The following ANK3 variants were observed in gnomAD, a reference collection of about 807,000 sequenced individuals.
ANK3 encodes ankyrin 3, also known as ankyrin-3.
In ANK3, 57 loss-of-function variants were observed where a neutral mutation model predicts 370.9. That is an observed-to-expected ratio of 0.15 (90% CI 0.12 to 0.19). The LOEUF (loss-of-function observed/expected upper bound fraction) is 0.19. ANK3 is among the 10% of genes least tolerant of loss of function. The pLI is 1.00. For missense variants in ANK3, 4,439 were observed against 5,302.1 expected, an observed-to-expected ratio of 0.84 and a Z score of 5.06; for synonymous variants, 1,929 against 1,946.3, an observed-to-expected ratio of 0.99 and a Z score of 0.23.
At chr10:60,588,566 A>AC (rs758365625) in intron 2 of ANK3, among the ~76,000 whole-genome samples, 33 of 152,216 alleles carry the variant, frequency 2.2e-4, no homozygotes, top group Non-Finnish European at 3.8e-4. Flanking sequence ...CAGGGATGCA[A>AC]CCAGCAAAAT....
chr10:60,539,954 T>C (rs1478246781), intron 2 of ANK3, among the ~76,000 whole-genome samples: 3 of 151,888 alleles, frequency 2.0e-5, no homozygotes, highest in Non-Finnish European at 4.4e-5. Context: ...TGCCTCAAAA[T>C]AATAATACAA....
chr10:60,328,488 G>A (rs1447752251), intron 1 of ANK3, among the ~76,000 whole-genome samples: 5 of 152,034 alleles, frequency 3.3e-5, no homozygotes, highest in South Asian at 2.1e-4. Context: ...TGTACTGCAG[G>A]CATTAAATCA....
chr10:60,496,543 T>A (rs1488143663), intron 2 of ANK3, among the ~76,000 whole-genome samples: 3 of 151,702 alleles, frequency 2.0e-5, no homozygotes, highest in Non-Finnish European at 4.4e-5. Flanking sequence ...TGGGGGAATT[T>A]AATCTGCTCT....
At chr10:60,520,137 T>G (rs551953699) in intron 2 of ANK3, among the ~76,000 whole-genome samples, 1 of 152,118 alleles carries the variant, frequency 6.6e-6, no homozygotes, top group African/African-American at 2.4e-5. Flanking sequence ...TGCAGCAACA[T>G]GGATGCAGCT....
intron 8 of ANK3, among the ~76,000 whole-genome samples, chr10:60,226,194 CTATATTATATAGTATATGTAATACTA>C (rs1377899869): frequency 2.6e-5 from 3 of 115,590 alleles, no homozygotes; most frequent in Non-Finnish European, 5.0e-5. Context: ...TGTATATATA[CTATATTATATAGTATATGTAATACTA>C]TATATACTAT....
At chr10:60,279,381 C>T (rs1205360123) in intron 2 of ANK3, among the ~76,000 whole-genome samples, 157 bp downstream of exon 2, 4 of 152,170 alleles carry the variant, frequency 2.6e-5, no homozygotes, top group Non-Finnish European at 5.9e-5. Flanking sequence ...CATATGCTGA[C>T]ATTTCTGAAT....
chr10:60,075,004 A>G lies in ANK3; in HGVS notation c.5877T>C (p.Ser1959=), dbSNP rs1303916211. The G allele has an allele frequency of 6.2e-7, 1 of 1,613,968 alleles. No individual in the cohort carries two copies. The highest frequency in any genetic ancestry group is 1.3e-5 in the African/African-American group (1 of 75,032). Residue 1959 remains serine (S), a synonymous_variant, in exon 37 of 44, where the codon AGT becomes AGC. Transcript: ENST00000280772. ...EKVKEDLVKV[S]EILKKDVCVD... ...CACATACATCCTTTTTAAGGATTTC[A>G]CTAACTTTCACTAAGTCTTCCTTTA... is the stretch of plus-strand genomic sequence containing the variant.
intron 1 of ANK3, among the ~76,000 whole-genome samples, chr10:60,323,997 C>A (rs540485420): frequency 6.6e-6 from 1 of 152,170 alleles, no homozygotes; most frequent in Admixed American, 6.5e-5. Context: ...GTGAGGGACC[C>A]AGAGAAGAGG....
chr10:60,051,785 A>ATGTGTG lies in ANK3; in HGVS notation c.13065+3867_13065+3872dup, dbSNP rs5785428. 2.9e-3 allele frequency among the ~76,000 whole-genome samples: 425 copies of ATGTGTG among 148,268 alleles called. 5 individuals are homozygous for ATGTGTG. The highest frequency in any genetic ancestry group is 9.3e-3 in the African/African-American group (377 of 40,452). On this transcript the variant is annotated intron_variant, in intron 42 of 43. Transcript: ENST00000280772. ...GATTCTAAGTGAAATTACTCTGTGCATGTGTGTGTGTGTGTGTGTGTACAG... is the reference window on the plus strand; with the variant it reads ...GATTCTAAGTGAAATTACTCTGTGCATGTGTGTGTGTGTGTGTGTGTGTGTGTACAG...
At chr10:60,267,319 G>A (rs951828937) in intron 5 of ANK3, among the ~76,000 whole-genome samples, 1 of 152,042 alleles carries the variant, frequency 6.6e-6, no homozygotes, top group African/African-American at 2.4e-5. Context: ...TCCTGTTGTT[G>A]TTCTTATTCT....
At chr10:60,176,186 A>C (rs899718040) in intron 18 of ANK3, among the ~76,000 whole-genome samples, 6 of 131,224 alleles carry the variant, frequency 4.6e-5, no homozygotes, top group Admixed American at 7.5e-5. Context: ...ATACAAAAAA[A>C]AAAAAAAAAC....
chr10:60,408,193 T>C (rs749688324), intron 2 of ANK3, among the ~76,000 whole-genome samples: 1 of 152,240 alleles, frequency 6.6e-6, no homozygotes. Context: ...TGACTGCTTA[T>C]GATTTCTCTG....
At chr10:60,634,628 A>G (rs2133343592) in intron 1 of ANK3, among the ~76,000 whole-genome samples, 1 of 152,258 alleles carries the variant, frequency 6.6e-6, no homozygotes, top group South Asian at 2.1e-4. Context: ...AGCAGCAGCA[A>G]CCAGCTCGGG....
chr10:60,421,268 C>T (rs892463611), intron 2 of ANK3, among the ~76,000 whole-genome samples: 1 of 152,012 alleles, frequency 6.6e-6, no homozygotes, highest in African/African-American at 2.4e-5. Context: ...AGCTGTACAA[C>T]ATCTGAATAT....
At chr10:60,455,134 T>C (rs891908404) in intron 2 of ANK3, among the ~76,000 whole-genome samples, 89 of 152,206 alleles carry the variant, frequency 5.8e-4, no homozygotes, top group African/African-American at 2.1e-3. Flanking sequence ...TTTCTGGTTA[T>C]GAAAAATATT....
At chr10:60,483,291 A>G (rs965821073) in intron 2 of ANK3, among the ~76,000 whole-genome samples, 3 of 152,206 alleles carry the variant, frequency 2.0e-5, no homozygotes, top group Admixed American at 6.5e-5. Context: ...AAGCAAAGAG[A>G]CTTCTATCTG....
At chr10:60,086,471 A>G (rs1188337489) in intron 30 of ANK3, 2 of 474,826 alleles carry the variant, frequency 4.2e-6, no homozygotes, top group African/African-American at 4.0e-5. Context: ...GAGTCATGAG[A>G]CCAGGATCTT....
chr10:60,320,187 T>C (rs1399406713), intron 1 of ANK3, among the ~76,000 whole-genome samples: 4 of 152,220 alleles, frequency 2.6e-5, no homozygotes, highest in African/African-American at 9.6e-5. Context: ...TGCTTGACTT[T>C]GTCTCAAATC....
chr10:60,488,508 T>G (rs528816565), intron 2 of ANK3, among the ~76,000 whole-genome samples: 31 of 152,242 alleles, frequency 2.0e-4, no homozygotes, highest in African/African-American at 7.5e-4. Flanking sequence ...CATAATTAAT[T>G]TTAGAATATT....
Sources: allele counts gnomAD v4.1 joint callset (sites outside exome capture counted in the v4.1 genomes callset), GRCh38; gene constraint gnomAD v4.1.1; transcripts MANE v1.5; gene names NCBI Gene and HGNC (gene_info 2026-07-23, HGNC 2026-07-21).